Variants in XRCC4 observed in about 807,000 individuals in gnomAD.
XRCC4 encodes the protein X-ray repair cross complementing 4.
A neutral mutation model predicts 39.1 loss-of-function variants in XRCC4; 28 were observed. The observed-to-expected ratio is 0.72, with a 90% CI of 0.53 to 0.98. XRCC4 has a LOEUF of 0.98. XRCC4 is among the 50% of genes least tolerant of loss of function. XRCC4 has a pLI of 0.00. For synonymous variants in XRCC4, 123 were observed against 126.4 expected, an observed-to-expected ratio of 0.97 and a Z score of 0.18; for missense variants, 350 against 376.4, an observed-to-expected ratio of 0.93 and a Z score of 0.58.
chr5:83,130,282 A>G (rs1235239854), intron 3 of XRCC4, among the ~76,000 whole-genome samples: 2 of 152,120 alleles, frequency 1.3e-5, no homozygotes, highest in East Asian at 1.9e-4. Flanking sequence ...ATTGATTTGC[A>G]TATATTGAAC....
chr5:83,253,520 G>A (rs745976768), intron 6 of XRCC4, among the ~76,000 whole-genome samples: 1 of 151,730 alleles, frequency 6.6e-6, no homozygotes, highest in Non-Finnish European at 1.5e-5. Flanking sequence ...GTGTGTATAT[G>A]TATTTGAGGG....
intron 6 of XRCC4, among the ~76,000 whole-genome samples, chr5:83,237,876 A>G (rs78067248): frequency 7.9e-5 from 12 of 152,086 alleles, no homozygotes; most frequent in Non-Finnish European, 1.6e-4. Flanking sequence ...TGTATCCATA[A>G]TAAAATAATT....
intron 6 of XRCC4, among the ~76,000 whole-genome samples, chr5:83,246,492 A>C (rs1053822898): frequency 1.6e-4 from 25 of 152,114 alleles, no homozygotes; most frequent in Non-Finnish European, 1.0e-4. Flanking sequence ...TAATTAGAAA[A>C]AGTTTGTGTC....
intron 7 of XRCC4, among the ~76,000 whole-genome samples, chr5:83,305,149 A>AAGAT (rs1321602758): frequency 2.6e-5 from 4 of 152,108 alleles, no homozygotes; most frequent in South Asian, 2.1e-4. Flanking sequence ...AAAAGTTGAG[A>AAGAT]ACATAGTACA....
intron 7 of XRCC4, among the ~76,000 whole-genome samples, chr5:83,305,204 C>A (rs1349696754): frequency 6.6e-6 from 1 of 152,002 alleles, no homozygotes; most frequent in Non-Finnish European, 1.5e-5. Context: ...TTATTAAAAT[C>A]TTACATCAGT....
chr5:83,273,195 A>C (rs1431965804), intron 7 of XRCC4, among the ~76,000 whole-genome samples: 1 of 152,078 alleles, frequency 6.6e-6, no homozygotes, highest in East Asian at 1.9e-4. Context: ...ACTTTTTTTC[A>C]TATGTCTGTT....
chr5:83,209,385 TA>T (rs969884229), intron 6 of XRCC4, among the ~76,000 whole-genome samples: 1 of 152,114 alleles, frequency 6.6e-6, no homozygotes, highest in African/African-American at 2.4e-5. Flanking sequence ...AGATATAATC[TA>T]AGAACAGTTT....
At chr5:83,352,018 A>G (rs550930018) in intron 7 of XRCC4, among the ~76,000 whole-genome samples, 5 of 152,298 alleles carry the variant, frequency 3.3e-5, no homozygotes, top group Middle Eastern at 3.4e-3. Flanking sequence ...AAGCATTTAC[A>G]TTTACATCAA....
At chr5:83,280,490 G>T in intron 7 of XRCC4, 1 of 833,948 alleles carries the variant, frequency 1.2e-6, no homozygotes, top group South Asian at 1.5e-5. Context: ...TGTAGTAGAA[G>T]AGTTCTGCTC....
At chr5:83,295,446 T>A (rs2112986645) in intron 7 of XRCC4, among the ~76,000 whole-genome samples, 1 of 151,904 alleles carries the variant, frequency 6.6e-6, no homozygotes, top group East Asian at 1.9e-4. Context: ...AGCTGACAGA[T>A]ACAATAAATA....
intron 3 of XRCC4, among the ~76,000 whole-genome samples, chr5:83,121,493 C>T (rs531620832): frequency 3.3e-5 from 5 of 152,222 alleles, no homozygotes; most frequent in Admixed American, 2.0e-4. Flanking sequence ...GACCATGTCT[C>T]ATATTTTAAA....
rs28360093 is a variant in XRCC4 at position 83,159,151 on chromosome 5, G to A, written c.316-36619G>A. ...TTGGTTTGAGGTAGTAAGATAGTTTGGAACTTCACAAAAATATTAAAATTT... is the reference window on the plus strand; with the variant it reads ...TTGGTTTGAGGTAGTAAGATAGTTTAGAACTTCACAAAAATATTAAAATTT... On this transcript the variant is annotated intron_variant, in intron 3 of 7. Transcript: ENST00000396027. Among the ~76,000 whole-genome samples, 1,201 of 152,016 alleles carry A rather than the reference G, an allele frequency of 7.9e-3. 10 individuals are homozygous for A. The highest frequency in any genetic ancestry group is 0.034 in the South Asian group (163 of 4,812).
At chr5:83,232,988 A>T (rs578219008) in intron 6 of XRCC4, among the ~76,000 whole-genome samples, 3 of 152,182 alleles carry the variant, frequency 2.0e-5, no homozygotes, top group Non-Finnish European at 4.4e-5. Flanking sequence ...CATGCTATTT[A>T]ATTACCCACT....
intron 3 of XRCC4, among the ~76,000 whole-genome samples, chr5:83,180,816 T>G (rs547075392): frequency 6.3e-4 from 96 of 152,300 alleles, no homozygotes; most frequent in African/African-American, 2.2e-3. Flanking sequence ...TTTATATTCA[T>G]TTTTGATGTT....
chr5:83,367,977 T>C, the XRCC4 span, among the ~76,000 whole-genome samples: 3 of 151,822 alleles, frequency 2.0e-5, no homozygotes, highest in Admixed American at 2.0e-4. Context: ...CTGGTTCAGA[T>C]GCTGTATGGA....
chr5:83,239,679 A>G (rs79942438), intron 6 of XRCC4, among the ~76,000 whole-genome samples: 1 of 151,944 alleles, frequency 6.6e-6, no homozygotes, highest in East Asian at 1.9e-4. Context: ...AATACAAAAA[A>G]TTAGCCGGGC....
chr5:83,372,940 GCTTGAGT>G, the XRCC4 span, among the ~76,000 whole-genome samples: 9 of 152,168 alleles, frequency 5.9e-5, no homozygotes, highest in Non-Finnish European at 1.2e-4. Flanking sequence ...TCTGCAGACT[GCTTGAGT>G]GCTAAAGCCC....
chr5:83,085,109 G>C (rs570262500), intron 1 of XRCC4, among the ~76,000 whole-genome samples: 8 of 152,260 alleles, frequency 5.3e-5, no homozygotes, highest in African/African-American at 1.4e-4. Context: ...AGTTCAATCT[G>C]GTCTTGTGTG....
chr5:83,126,138 A>G (rs1409838148), intron 3 of XRCC4, among the ~76,000 whole-genome samples: 3 of 151,772 alleles, frequency 2.0e-5, no homozygotes, highest in South Asian at 4.1e-4. Flanking sequence ...ATTGAGTCAT[A>G]GAGTTTATCA....
Sources: allele counts gnomAD v4.1 joint callset (sites outside exome capture counted in the v4.1 genomes callset), GRCh38; gene constraint gnomAD v4.1.1; transcripts MANE v1.5; gene names NCBI Gene and HGNC (gene_info 2026-07-23, HGNC 2026-07-21).